AGBL4: variants seen among roughly 807,000 people sequenced by gnomAD.
The protein encoded by AGBL4 is AGBL carboxypeptidase 4.
In AGBL4, 58 loss-of-function variants were observed where a neutral mutation model predicts 66.4. The ratio of observed to expected loss-of-function variants is 0.87; its 90% confidence interval spans 0.71 to 1.09. The LOEUF is 1.09. AGBL4 is among the 50% of genes least tolerant of loss of function. The probability of loss-of-function intolerance (pLI) is 0.00; values close to 1 mark genes in which losing one functional copy is unlikely to be tolerated. For synonymous variants in AGBL4, 234 were observed against 222.9 expected, an observed-to-expected ratio of 1.05 and a Z score of -0.44; for missense variants, 579 against 631.0, an observed-to-expected ratio of 0.92 and a Z score of 0.88.
At chr1:49,077,883 TA>T (rs140166661) in intron 4 of AGBL4, among the ~76,000 whole-genome samples, 4,275 of 152,202 alleles carry the variant, frequency 0.028, 76 homozygotes, top group Middle Eastern at 0.058. Flanking sequence ...ATATGACTAC[TA>T]AAAAGTATGA....
At chr1:49,597,196 C>A (rs917356499) in intron 3 of AGBL4, among the ~76,000 whole-genome samples, 1 of 152,178 alleles carries the variant, frequency 6.6e-6, no homozygotes, top group African/African-American at 2.4e-5. Flanking sequence ...TAGATAAGAA[C>A]TGTTTGTAGT....
intron 1 of AGBL4, among the ~76,000 whole-genome samples, chr1:50,016,578 AAAT>A (rs1485235981): frequency 6.6e-6 from 1 of 152,100 alleles, no homozygotes; most frequent in African/African-American, 2.4e-5. Context: ...TAATAAATAA[AAAT>A]AATAAAAAGC....
intron 3 of AGBL4, among the ~76,000 whole-genome samples, chr1:49,630,433 T>G (rs1022277133): frequency 6.6e-6 from 1 of 152,156 alleles, no homozygotes; most frequent in Non-Finnish European, 1.5e-5. Context: ...TCCTCAGCCT[T>G]GTTATTCTTC....
intron 1 of AGBL4, among the ~76,000 whole-genome samples, chr1:49,891,104 A>C (rs976786406): frequency 5.3e-5 from 8 of 152,196 alleles, no homozygotes; most frequent in Non-Finnish European, 1.2e-4. Context: ...ATTTCTGTGA[A>C]GATCTAGGCA....
intron 3 of AGBL4, among the ~76,000 whole-genome samples, chr1:49,572,000 T>A (rs1644340792): frequency 6.6e-6 from 1 of 152,192 alleles, no homozygotes. Flanking sequence ...TGTGTCTATG[T>A]TGATCTAGAA....
At chr1:49,709,737 A>C (rs780569739) in intron 2 of AGBL4, among the ~76,000 whole-genome samples, 19 of 152,182 alleles carry the variant, frequency 1.2e-4, no homozygotes, top group Non-Finnish European at 2.8e-4. Context: ...AACTTAAACA[A>C]ATTTACAAGA....
intron 1 of AGBL4, among the ~76,000 whole-genome samples, chr1:49,972,636 C>T (rs1246935124): frequency 6.6e-6 from 1 of 152,132 alleles, no homozygotes. Context: ...GAGTATAGTA[C>T]AATTAGACAT....
chr1:49,405,930 A>G (rs1354489906), intron 3 of AGBL4, among the ~76,000 whole-genome samples: 1 of 152,246 alleles, frequency 6.6e-6, no homozygotes, highest in Non-Finnish European at 1.5e-5. Context: ...TATTGGAAGA[A>G]GAAAGGAGAC....
intron 5 of AGBL4, among the ~76,000 whole-genome samples, chr1:48,910,709 T>C (rs1222366130): frequency 6.6e-6 from 1 of 152,144 alleles, no homozygotes; most frequent in Non-Finnish European, 1.5e-5. Flanking sequence ...GGTTTCAGTG[T>C]TGAGGCATCC....
intron 3 of AGBL4, among the ~76,000 whole-genome samples, chr1:49,522,576 T>C (rs1434133458): frequency 6.6e-6 from 1 of 152,162 alleles, no homozygotes; most frequent in Non-Finnish European, 1.5e-5. Context: ...TGCCTTATGA[T>C]AGATTCTCAA....
intron 3 of AGBL4, among the ~76,000 whole-genome samples, chr1:49,657,470 C>T: frequency 6.6e-6 from 1 of 152,172 alleles, no homozygotes; most frequent in Non-Finnish European, 1.5e-5. Flanking sequence ...CCCCATCAAG[C>T]TACCAATGAC....
intron 4 of AGBL4, among the ~76,000 whole-genome samples, chr1:49,225,246 T>C (rs1218897826): frequency 6.6e-6 from 1 of 152,224 alleles, no homozygotes; most frequent in African/African-American, 2.4e-5. Context: ...CACTAGACTA[T>C]AACTTTCTCA....
At chr1:48,864,875 T>G (rs936416140) in intron 6 of AGBL4, among the ~76,000 whole-genome samples, 2 of 152,102 alleles carry the variant, frequency 1.3e-5, no homozygotes, top group African/African-American at 4.8e-5. Flanking sequence ...CACATGTTGA[T>G]ATGACAAAGC....
chr1:49,853,483 G>A (rs781245949), intron 1 of AGBL4, among the ~76,000 whole-genome samples: 24 of 151,994 alleles, frequency 1.6e-4, no homozygotes, highest in Admixed American at 1.3e-4. Flanking sequence ...AAACAGCAGA[G>A]CATCCAAGAG....
intron 3 of AGBL4, among the ~76,000 whole-genome samples, chr1:49,486,992 T>C (rs1475811983): frequency 6.6e-6 from 1 of 152,034 alleles, no homozygotes; most frequent in African/African-American, 2.4e-5. Flanking sequence ...TTAGAAAATA[T>C]ATTAGTCAAT....
At chr1:49,406,832 G>A (rs994964805) in intron 3 of AGBL4, among the ~76,000 whole-genome samples, 6 of 151,880 alleles carry the variant, frequency 4.0e-5, no homozygotes, top group African/African-American at 9.7e-5. Context: ...TTGGGAGGCC[G>A]AGGTGGGCGG....
intron 3 of AGBL4, among the ~76,000 whole-genome samples, chr1:49,409,170 C>G (rs918535380): frequency 6.6e-6 from 1 of 151,982 alleles, no homozygotes; most frequent in African/African-American, 2.4e-5. Flanking sequence ...CTCTCTCTCT[C>G]TCATTTATCC....
intron 8 of AGBL4, among the ~76,000 whole-genome samples, chr1:48,639,766 T>C (rs1464951183): frequency 6.6e-6 from 1 of 152,172 alleles, no homozygotes; most frequent in African/African-American, 2.4e-5. Flanking sequence ...AGGCAAAGGG[T>C]ATAGCATGTG....
chr1:49,504,585 T>C (rs910921403), intron 3 of AGBL4, among the ~76,000 whole-genome samples: 2 of 152,106 alleles, frequency 1.3e-5, no homozygotes, highest in Non-Finnish European at 2.9e-5. Context: ...CCTCTCTCAT[T>C]ACATAATGTC....
Sources: gnomAD v4.1 joint callset for allele counts (sites outside exome capture counted in the v4.1 genomes callset) on GRCh38, gnomAD v4.1.1 for gene constraint, MANE v1.5 for transcripts, NCBI Gene and HGNC (gene_info 2026-07-23, HGNC 2026-07-21) for gene names.